The following LHFPL2 variants were observed in gnomAD, a reference collection of about 807,000 sequenced individuals.
The protein encoded by LHFPL2 is LHFPL tetraspan subfamily member 2, also known as LHFPL tetraspan subfamily member 2 protein.
LHFPL2 carries 7 observed loss-of-function variants against 17.5 expected under a neutral mutation model. The observed-to-expected ratio is 0.40, with a 90% CI of 0.23 to 0.75. The LOEUF is 0.75. Ranked by LOEUF, LHFPL2 falls within the 30% of genes least tolerant of loss-of-function variation. The probability of loss-of-function intolerance (pLI) is 0.37; values close to 1 mark genes in which losing one functional copy is unlikely to be tolerated. For missense variants in LHFPL2, 241 were observed against 294.8 expected, an observed-to-expected ratio of 0.82 and a Z score of 1.34; for synonymous variants, 134 against 116.2, an observed-to-expected ratio of 1.15 and a Z score of -0.99.
intron 2 of LHFPL2, among the ~76,000 whole-genome samples, chr5:78,587,041 CTAT>C (rs1250303931): frequency 1.3e-5 from 2 of 152,186 alleles, no homozygotes; most frequent in Non-Finnish European, 2.9e-5. Flanking sequence ...ACAACTACTT[CTAT>C]TCCTTCCATT....
At position 78,488,751 on chromosome 5, in the gene LHFPL2, G is replaced by A; in HGVS notation, c.*146C>T. ...CCAGTAACTTTGCGTAGCTGGATGT[G>A]GCCTCTCATTGGTCCTGTTTAAGCC... On this transcript the variant is annotated 3_prime_UTR_variant, in exon 5 of 5. Coordinates refer to ENST00000380345, the MANE Select transcript of LHFPL2 (RefSeq NM_005779.3). The A allele has an allele frequency of 1.3e-6, 1 of 795,268 alleles. No individual in the cohort carries two copies. The highest frequency in any genetic ancestry group is 2.0e-6 in the Non-Finnish European group (1 of 488,746). 49.3% of individuals were successfully genotyped at this position (795,268 alleles called of 1,614,324 possible).
Position 78,486,645 on chromosome 5 carries a change from CT to C in LHFPL2, c.*2251del, listed in dbSNP as rs950605199. The C allele has an allele frequency of 6.6e-6, 1 of 152,248 alleles. No homozygotes were observed. The highest frequency in any genetic ancestry group is 1.5e-5 in the Non-Finnish European group (1 of 68,032). The allele number at this position is 152,248 out of a possible 1,614,324, so 9.4% of individuals were successfully genotyped here. On this transcript the variant is annotated 3_prime_UTR_variant, in exon 5 of 5. Transcript: ENST00000380345. ...GGTTCTGTGTGTGTGCATGCCTGTG[CT>C]TTTGTCTTCTGTTGCATTCAGATTA... is the stretch of plus-strand genomic sequence containing the variant.
chr5:78,563,486 A>G (rs13357564), intron 3 of LHFPL2, among the ~76,000 whole-genome samples: 59,660 of 151,804 alleles, frequency 0.39, 12,167 homozygotes, highest in Middle Eastern at 0.48. Flanking sequence ...ACTTGAGGTC[A>G]GGAGTTCAAG....
intron 2 of LHFPL2, among the ~76,000 whole-genome samples, chr5:78,596,122 T>C (rs1743814161): frequency 6.6e-6 from 1 of 152,210 alleles, no homozygotes; most frequent in African/African-American, 2.4e-5. Flanking sequence ...TTATAATAAA[T>C]TATAAGCAAC....
chr5:78,514,921 T>C (rs1755246123), intron 3 of LHFPL2, among the ~76,000 whole-genome samples: 1 of 152,212 alleles, frequency 6.6e-6, no homozygotes, highest in Non-Finnish European at 1.5e-5. Flanking sequence ...CAACATTTGT[T>C]AACATTTTCC....
chr5:78,568,875 G>C (rs1245918361), intron 2 of LHFPL2, among the ~76,000 whole-genome samples: 1 of 152,140 alleles, frequency 6.6e-6, no homozygotes, highest in African/African-American at 2.4e-5. Flanking sequence ...CATTTTATAG[G>C]CACTATTACT....
chr5:78,593,937 G>A (rs564689614), intron 2 of LHFPL2, among the ~76,000 whole-genome samples: 4 of 152,290 alleles, frequency 2.6e-5, no homozygotes, highest in African/African-American at 9.6e-5. Context: ...ATTCCTATTC[G>A]TCTTCAAGGT....
chr5:78,625,590 T>A (rs1745006937), intron 2 of LHFPL2: 1 of 152,204 alleles, frequency 6.6e-6, no homozygotes, highest in African/African-American at 2.4e-5. Context: ...AACCTATATA[T>A]AATCTCAAGA....
At chr5:78,542,056 C>T (rs1397537825) in intron 3 of LHFPL2, among the ~76,000 whole-genome samples, 3 of 151,710 alleles carry the variant, frequency 2.0e-5, no homozygotes, top group Non-Finnish European at 4.4e-5. Context: ...CCTTAAATTA[C>T]AGGAATTTAA....
At chr5:78,584,995 GTTTTTTTTTTTTTTTTTT>G (rs1163195083) in intron 2 of LHFPL2, among the ~76,000 whole-genome samples, 1 of 40,504 alleles carries the variant, frequency 2.5e-5, no homozygotes, top group African/African-American at 8.1e-5. Context: ...GGTGCGCTGT[GTTTTTTTTTTTTTTTTTT>G]TTTTTTTTTT....
At chr5:78,632,891 T>C (rs1488661521) in intron 1 of LHFPL2, among the ~76,000 whole-genome samples, 3 of 151,746 alleles carry the variant, frequency 2.0e-5, no homozygotes, top group African/African-American at 4.8e-5. Context: ...AATGAGGAGG[T>C]GGCCAAACTA....
chr5:78,504,654 G>A (rs1457039370), intron 4 of LHFPL2, among the ~76,000 whole-genome samples: 1 of 152,158 alleles, frequency 6.6e-6, no homozygotes, highest in Non-Finnish European at 1.5e-5. Flanking sequence ...AAACCCCCAC[G>A]TGTCTGTCTC....
chr5:78,506,711 C>T (rs1382114185), intron 4 of LHFPL2, among the ~76,000 whole-genome samples: 1 of 152,160 alleles, frequency 6.6e-6, no homozygotes, highest in East Asian at 1.9e-4. Flanking sequence ...CTCAGTCCCT[C>T]TTTTTTATGA....
At chr5:78,500,965 C>T (rs1754755398) in intron 4 of LHFPL2, among the ~76,000 whole-genome samples, 1 of 152,170 alleles carries the variant, frequency 6.6e-6, no homozygotes, top group Non-Finnish European at 1.5e-5. Context: ...AGAGACTAAT[C>T]AGTGGTTCCA....
chr5:78,558,539 G>C (rs1224166353), intron 3 of LHFPL2, among the ~76,000 whole-genome samples: 3 of 151,648 alleles, frequency 2.0e-5, no homozygotes, highest in African/African-American at 7.3e-5. Flanking sequence ...GACAGGTCTT[G>C]CTATGTGGCC....
chr5:78,644,238 T>C (rs1745784741), intron 1 of LHFPL2: 2 of 693,202 alleles, frequency 2.9e-6, no homozygotes, highest in Admixed American at 2.4e-5. Flanking sequence ...GCTTTATAGA[T>C]AAGAAAAAAA....
chr5:78,501,867 ACAG>A (rs1488511365), intron 4 of LHFPL2, among the ~76,000 whole-genome samples: 1 of 152,240 alleles, frequency 6.6e-6, no homozygotes, highest in African/African-American at 2.4e-5. Context: ...GTGAATGACT[ACAG>A]CATCTTTGAG....
At chr5:78,557,779 G>C (rs138264976) in intron 3 of LHFPL2, among the ~76,000 whole-genome samples, 1 of 152,282 alleles carries the variant, frequency 6.6e-6, no homozygotes, top group Non-Finnish European at 1.5e-5. Context: ...ATAAGGTACA[G>C]AGATGAGGCC....
chr5:78,511,605 G>C (rs924004522), intron 3 of LHFPL2, among the ~76,000 whole-genome samples: 6 of 152,204 alleles, frequency 3.9e-5, no homozygotes, highest in African/African-American at 1.4e-4. Flanking sequence ...TGTTGGGAGT[G>C]GGGTGAGGCA....
Sources: gnomAD v4.1 joint callset for allele counts (sites outside exome capture counted in the v4.1 genomes callset) on GRCh38, gnomAD v4.1.1 for gene constraint, MANE v1.5 for transcripts, NCBI Gene and HGNC (gene_info 2026-07-23, HGNC 2026-07-21) for gene names.